LRRTM3: variants seen among roughly 807,000 people sequenced by gnomAD.
LRRTM3 encodes leucine-rich repeat transmembrane neuronal protein 3.
LRRTM3 carries 24 observed loss-of-function variants against 44.7 expected under a neutral mutation model. The observed-to-expected ratio is 0.54, with a 90% CI of 0.39 to 0.76. The LOEUF (loss-of-function observed/expected upper bound fraction) is 0.76. Among genes scored for constraint, LRRTM3 ranks in the 30% least tolerant of loss-of-function variants. LRRTM3 has a pLI of 0.00. For synonymous variants in LRRTM3, 277 were observed against 278.7 expected (o/e 0.99, Z 0.06); for missense variants, 587 against 702.2 (o/e 0.84, Z 1.85).
intron 2 of LRRTM3, among the ~76,000 whole-genome samples, chr10:66,959,287 G>A (rs998717151): frequency 6.6e-6 from 1 of 152,152 alleles, no homozygotes. Flanking sequence ...AGCATTCTCA[G>A]GGAATGCCTG....
intron 2 of LRRTM3, among the ~76,000 whole-genome samples, chr10:67,059,006 T>A (rs1419944495): frequency 6.6e-6 from 1 of 152,234 alleles, no homozygotes; most frequent in African/African-American, 2.4e-5. Flanking sequence ...CTTTAGTCTT[T>A]AAATTCTGCT....
At chr10:66,963,143 A>G (rs1010477940) in intron 2 of LRRTM3, among the ~76,000 whole-genome samples, 1 of 152,338 alleles carries the variant, frequency 6.6e-6, no homozygotes, top group African/African-American at 2.4e-5. Flanking sequence ...AAACAAAGCT[A>G]GTACTTACAG....
intron 2 of LRRTM3, among the ~76,000 whole-genome samples, chr10:67,042,124 G>C (rs945962799): frequency 2.6e-5 from 4 of 152,114 alleles, no homozygotes; most frequent in African/African-American, 7.2e-5. Context: ...TATGAAAGAA[G>C]AGGATTTTTG....
chr10:66,975,378 A>G (rs1045556780), intron 2 of LRRTM3, among the ~76,000 whole-genome samples: 3 of 152,230 alleles, frequency 2.0e-5, no homozygotes, highest in Admixed American at 6.5e-5. Flanking sequence ...GTAAGGATGT[A>G]CTTGACTTAG....
Position 66,927,625 on chromosome 10 carries a change from C to T in LRRTM3, c.709C>T (p.Gln237Ter), listed in dbSNP as rs750788228. The T allele has an allele frequency of 6.2e-7, 1 of 1,614,180 alleles. No homozygotes were observed. Among genetic ancestry groups the T allele is most frequent in the South Asian group, 1.1e-5 (1 of 91,088 alleles). Reference sequence around the variant, plus strand: ...GGTCAGCCTTCAGAACCTTTACTTGCAGTGGAATAAAATCAGTGTCATAGG... The same window carrying T: ...GGTCAGCCTTCAGAACCTTTACTTGTAGTGGAATAAAATCAGTGTCATAGG... The part of the protein sequence containing the change: ...RLVSLQNLYL[Q>*]WNKISVIGQT... Residue 237 changes from glutamine (Q) to a stop codon, truncating the protein, a stop_gained, in exon 2 of 3, where the codon CAG becomes TAG. Coordinates refer to ENST00000361320, the MANE Select transcript of LRRTM3 (RefSeq NM_178011.5). LOFTEE classifies it high-confidence loss of function. The surrounding 1 kb of genome is among the most constrained non-coding windows in gnomAD (Gnocchi z 4.7).
rs752474332 is a variant in LRRTM3 at position 66,928,420 on chromosome 10, A to C, written c.1504A>C (p.Thr502Pro). 1 of 1,611,276 alleles carries C rather than the reference A, an allele frequency of 6.2e-7. No homozygotes were observed. Among genetic ancestry groups the C allele is most frequent in the East Asian group, 2.2e-5 (1 of 44,874 alleles). Residue 502 changes from threonine to proline, a missense_variant, in exon 2 of 3, where the codon ACC becomes CCC. This residue lies in a region of LRRTM3 where 315 missense variants were observed against 335.6 expected (regional missense o/e 0.94). Transcript: ENST00000361320. The part of the protein sequence containing the change: ...EMLLNGTGPC[T>P]YNKSGSRECE... ...GCTGCTGAATGGGACGGGACCCTGC[A>C]CCTATAACAAATCGGGCTCCAGGGA...
At chr10:66,928,481 T>C (rs533664558) in intron 2 of LRRTM3, 29 bp downstream of exon 2, 9 of 1,548,400 alleles carry the variant, frequency 5.8e-6, no homozygotes, top group Non-Finnish European at 7.8e-6. Context: ...AAAAGAGCTC[T>C]TAAAAGCTGG....
chr10:67,059,958 T>C (rs895930664), intron 2 of LRRTM3, among the ~76,000 whole-genome samples: 1 of 152,060 alleles, frequency 6.6e-6, no homozygotes, highest in Non-Finnish European at 1.5e-5. Flanking sequence ...TCTACAAATA[T>C]GTTGAGGGAG....
chr10:66,968,400 C>T (rs1482010881), intron 2 of LRRTM3, among the ~76,000 whole-genome samples: 1 of 145,174 alleles, frequency 6.9e-6, no homozygotes, highest in South Asian at 2.1e-4. Context: ...ATTAGTTTGA[C>T]ATTAAGGGAA....
intron 2 of LRRTM3, among the ~76,000 whole-genome samples, chr10:67,029,257 C>T (rs1469508860): frequency 6.6e-6 from 1 of 152,204 alleles, no homozygotes. Context: ...CATGAATTTA[C>T]AGTTGAAATA....
chr10:67,071,503 GTT>G (rs755653014), intron 2 of LRRTM3, among the ~76,000 whole-genome samples: 102 of 108,782 alleles, frequency 9.4e-4, no homozygotes, highest in African/African-American at 3.3e-3. Flanking sequence ...GCTCTTTAAA[GTT>G]TTTTTTGTTT....
intron 2 of LRRTM3, among the ~76,000 whole-genome samples, chr10:67,042,184 T>C (rs953337529): frequency 6.6e-6 from 1 of 152,024 alleles, no homozygotes; most frequent in African/African-American, 2.4e-5. Flanking sequence ...AGAACAAACC[T>C]GGATGTTAGA....
At position 67,043,135 on chromosome 10, in the gene LRRTM3, C is replaced by CT. The variant is rs34946963; in HGVS notation, c.1537-54435dup. 2.9e-4 allele frequency among the ~76,000 whole-genome samples: 30 copies of CT among 103,764 alleles called. 1 individual carries two copies. Among genetic ancestry groups the CT allele is most frequent in the African/African-American group, 6.7e-4 (21 of 31,560 alleles). 68.1% of individuals were successfully genotyped at this position (103,764 alleles called of 152,430 possible). Reference sequence around the variant, plus strand: ...TCATGCCTCAAGGCTCACTTTCTTTCTTTTTTTTTTTTTTTTTCTGTGCAA... The same window carrying CT: ...TCATGCCTCAAGGCTCACTTTCTTTCTTTTTTTTTTTTTTTTTTCTGTGCAA... On this transcript the variant is annotated intron_variant, in intron 2 of 2. Transcript: ENST00000361320.
At chr10:67,044,154 C>T (rs1444237089) in intron 2 of LRRTM3, among the ~76,000 whole-genome samples, 1 of 151,910 alleles carries the variant, frequency 6.6e-6, no homozygotes, top group Admixed American at 6.6e-5. Flanking sequence ...TTCACATGTA[C>T]CCCATGGCTA....
chr10:66,929,635 C>T (rs1847258828), intron 2 of LRRTM3, among the ~76,000 whole-genome samples: 1 of 152,218 alleles, frequency 6.6e-6, no homozygotes, highest in Non-Finnish European at 1.5e-5. Flanking sequence ...AAGACCAACA[C>T]TATGACAGTT....
intron 2 of LRRTM3, among the ~76,000 whole-genome samples, chr10:67,072,619 T>A (rs894433164): frequency 2.0e-5 from 3 of 152,166 alleles, no homozygotes; most frequent in African/African-American, 7.2e-5. Context: ...TGGAATGTAG[T>A]CTTCCCCTTG....
At chr10:66,952,615 A>T (rs1427439934) in intron 2 of LRRTM3, among the ~76,000 whole-genome samples, 1 of 152,106 alleles carries the variant, frequency 6.6e-6, no homozygotes, top group Non-Finnish European at 1.5e-5. Flanking sequence ...ATGGGCCATT[A>T]TAGAAGGTAA....
chr10:66,937,315 G>A (rs982209561), intron 2 of LRRTM3, among the ~76,000 whole-genome samples: 1 of 152,044 alleles, frequency 6.6e-6, no homozygotes, highest in Non-Finnish European at 1.5e-5. Flanking sequence ...CAAAGAATCA[G>A]CATTTGTTAA....
chr10:67,041,749 T>C lies in LRRTM3; in HGVS notation c.1537-55838T>C, dbSNP rs566643775. Among the ~76,000 whole-genome samples the C allele has an allele frequency of 3.9e-5, 6 of 152,282 alleles. No homozygotes were observed. The South Asian group carries it at 1.2e-3, about 32-fold the overall frequency. ...CCATGAGCTAGGCCTTGATGACTCA[T>C]AGATAAATAAGATAATATTCTATCC... On this transcript the variant is annotated intron_variant, in intron 2 of 2. Coordinates refer to ENST00000361320, the MANE Select transcript of LRRTM3 (RefSeq NM_178011.5).
Sources: gnomAD v4.1 joint callset for allele counts (sites outside exome capture counted in the v4.1 genomes callset) on GRCh38, gnomAD v4.1.1 for gene constraint, gnomAD v4.1.1 regional missense constraint, Gnocchi (gnomAD v3.1) non-coding constraint, MANE v1.5 for transcripts, NCBI Gene and HGNC (gene_info 2026-07-23, HGNC 2026-07-21) for gene names.